ERC2: variants seen among roughly 807,000 people sequenced by gnomAD.
The protein encoded by ERC2 is ELKS/RAB6-interacting/CAST family member 2.
In ERC2, 42 loss-of-function variants were observed where a neutral mutation model predicts 114.8. The ratio of observed to expected loss-of-function variants is 0.37; its 90% CI spans 0.29 to 0.47. The LOEUF (loss-of-function observed/expected upper bound fraction) is 0.47, where lower values mean the gene tolerates loss of function less well. Ranked by LOEUF, ERC2 falls within the 20% of genes least tolerant of loss-of-function variation. The pLI is 0.99. For synonymous variants in ERC2, 454 were observed against 425.5 expected (o/e 1.07, Z -0.82); for missense variants, 939 against 1,150.7 (o/e 0.82, Z 2.66).
intron 7 of ERC2, among the ~76,000 whole-genome samples, chr3:56,047,790 A>G (rs550079980): frequency 2.6e-5 from 4 of 152,232 alleles, no homozygotes; most frequent in African/African-American, 9.6e-5. Flanking sequence ...CCTCCTTTCC[A>G]TGGTTCAGTA....
At chr3:56,333,702 T>G (rs2150466124) in intron 2 of ERC2, among the ~76,000 whole-genome samples, 1 of 152,300 alleles carries the variant, frequency 6.6e-6, no homozygotes, top group South Asian at 2.1e-4. Context: ...ATGAACATTT[T>G]TTTTTTCATT....
In ERC2 at chr3:56,245,510, TTGTGTG is replaced by T. The variant is rs34578755; in HGVS notation, c.1074+50503_1074+50508del. Among the ~76,000 whole-genome samples the T allele has an allele frequency of 4.3e-3, 634 of 149,120 alleles. 4 individuals carry two copies. Among genetic ancestry groups the T allele is most frequent in the African/African-American group, 0.014 (566 of 40,742 alleles). ...TATGTATGTGTGTGTGTGTGGTATG[TTGTGTG>T]TGTGTGTGTGTGTGTGTGTTAATAG... On this transcript the variant is annotated intron_variant, in intron 3 of 17. Coordinates refer to ENST00000288221, the MANE Select transcript of ERC2 (RefSeq NM_015576.3).
At chr3:56,386,231 A>G (rs1033382089) in intron 2 of ERC2, among the ~76,000 whole-genome samples, 1 of 152,100 alleles carries the variant, frequency 6.6e-6, no homozygotes, top group African/African-American at 2.4e-5. Context: ...AAGACTCAAA[A>G]CTCAGTGACA....
chr3:56,311,255 C>CTCTATATATA (rs1314796268), intron 2 of ERC2, among the ~76,000 whole-genome samples: 3 of 79,074 alleles, frequency 3.8e-5, no homozygotes, highest in African/African-American at 1.7e-4. Flanking sequence ...CTCTCTCTCT[C>CTCTATATATA]TATATATATA....
intron 12 of ERC2, among the ~76,000 whole-genome samples, chr3:55,952,310 G>A (rs2067639476): frequency 6.6e-6 from 1 of 151,284 alleles, no homozygotes; most frequent in Admixed American, 6.6e-5. Flanking sequence ...CATAAAGTAT[G>A]ATATAATAAC....
At chr3:56,268,327 C>T (rs1178889524) in intron 3 of ERC2, among the ~76,000 whole-genome samples, 2 of 152,172 alleles carry the variant, frequency 1.3e-5, no homozygotes, top group Non-Finnish European at 2.9e-5. Flanking sequence ...GTATACTCTA[C>T]AATGTTCACG....
chr3:56,354,500 AAT>A (rs2058671161), intron 2 of ERC2, among the ~76,000 whole-genome samples: 1 of 152,144 alleles, frequency 6.6e-6, no homozygotes, highest in Non-Finnish European at 1.5e-5. Context: ...GACCTCTTAC[AAT>A]GCACAGGGCA....
intron 14 of ERC2, among the ~76,000 whole-genome samples, chr3:55,874,451 G>A (rs1435151529): frequency 2.0e-5 from 3 of 152,080 alleles, no homozygotes; most frequent in African/African-American, 7.2e-5. Flanking sequence ...CAAAACCACA[G>A]AATGGTGGTT....
intron 2 of ERC2, among the ~76,000 whole-genome samples, chr3:56,428,440 G>C (rs1455099382): frequency 6.6e-6 from 1 of 151,556 alleles, no homozygotes; most frequent in Non-Finnish European, 1.5e-5. Context: ...AGGATTCCCT[G>C]AACCCAGGAG....
At chr3:56,332,915 G>T (rs2057690457) in intron 2 of ERC2, among the ~76,000 whole-genome samples, 1 of 152,114 alleles carries the variant, frequency 6.6e-6, no homozygotes, top group Non-Finnish European at 1.5e-5. Context: ...GAAGAAAAGG[G>T]GGGAAAAACA....
At chr3:55,775,231 AAAAG>A (rs1403101379) in intron 14 of ERC2, among the ~76,000 whole-genome samples, 1 of 152,126 alleles carries the variant, frequency 6.6e-6, no homozygotes, top group East Asian at 1.9e-4. Flanking sequence ...GAGAGACAGA[AAAAG>A]AAAGAGAGAG....
intron 12 of ERC2, among the ~76,000 whole-genome samples, chr3:55,954,684 A>T (rs1234601073): frequency 6.6e-6 from 1 of 152,226 alleles, no homozygotes; most frequent in East Asian, 1.9e-4. Flanking sequence ...TGTTGGAAAG[A>T]ATGCAGGAAT....
chr3:56,220,039 A>G (rs1165137037), intron 3 of ERC2, among the ~76,000 whole-genome samples: 1 of 152,206 alleles, frequency 6.6e-6, no homozygotes, highest in Non-Finnish European at 1.5e-5. Context: ...TCATAAATAG[A>G]TTAATACGAC....
At chr3:55,957,784 G>A (rs2068065379) in intron 12 of ERC2, among the ~76,000 whole-genome samples, 1 of 142,566 alleles carries the variant, frequency 7.0e-6, no homozygotes, top group African/African-American at 2.8e-5. Context: ...GCTGGACCAG[G>A]TGTACCACAA....
At chr3:55,914,408 G>A (rs1304919935) in intron 13 of ERC2, among the ~76,000 whole-genome samples, 1 of 152,128 alleles carries the variant, frequency 6.6e-6, no homozygotes, top group African/African-American at 2.4e-5. Flanking sequence ...CAGAAGTTCA[G>A]AAAACTCACA....
intron 14 of ERC2, among the ~76,000 whole-genome samples, chr3:55,811,955 C>T (rs1248303838): frequency 6.6e-6 from 1 of 152,136 alleles, no homozygotes; most frequent in Non-Finnish European, 1.5e-5. Context: ...CAACTATCAG[C>T]CCATCACCTA....
intron 17 of ERC2, among the ~76,000 whole-genome samples, chr3:55,661,445 C>T (rs903911471): frequency 6.6e-6 from 1 of 152,150 alleles, no homozygotes; most frequent in African/African-American, 2.4e-5. Flanking sequence ...AGCCTCGTCT[C>T]TCCTCTCCTC....
chr3:56,417,347 A>G lies in ERC2; in HGVS notation c.657+17004T>C, dbSNP rs189769701. Among the ~76,000 whole-genome samples, 8 of 152,320 alleles carry G rather than the reference A, an allele frequency of 5.3e-5. No homozygotes were observed. In the South Asian group the frequency reaches 1.2e-3, roughly 24 times the overall value. ...GCCGTGGGACATATTTCAATGTAGCATACCAGAAAAATGTAATGTGAGTCT... is the reference window on the plus strand; with the variant it reads ...GCCGTGGGACATATTTCAATGTAGCGTACCAGAAAAATGTAATGTGAGTCT... On this transcript the variant is annotated intron_variant, in intron 2 of 17. Coordinates refer to ENST00000288221, the MANE Select transcript of ERC2 (RefSeq NM_015576.3).
At chr3:56,037,699 A>C (rs1464464838) in intron 7 of ERC2, among the ~76,000 whole-genome samples, 1 of 152,202 alleles carries the variant, frequency 6.6e-6, no homozygotes, top group African/African-American at 2.4e-5. Context: ...GGAAACCCAG[A>C]GAACCCCAGT....
Sources: allele counts gnomAD v4.1 joint callset (sites outside exome capture counted in the v4.1 genomes callset), GRCh38; gene constraint gnomAD v4.1.1; transcripts MANE v1.5; gene names NCBI Gene and HGNC (gene_info 2026-07-23, HGNC 2026-07-21).